Variants in CREB3L1 observed in about 807,000 individuals in gnomAD.
CREB3L1 encodes the protein cAMP responsive element binding protein 3 like 1.
Under a neutral mutation model 54.5 loss-of-function variants are expected in CREB3L1, and 33 were observed. That is an observed-to-expected ratio of 0.61 (90% CI 0.46 to 0.81). The LOEUF (loss-of-function observed/expected upper bound fraction) is 0.81, where lower values mean the gene tolerates loss of function less well. CREB3L1 is among the 30% of genes least tolerant of loss of function. CREB3L1 has a pLI of 0.00. For synonymous variants in CREB3L1, 284 were observed against 286.4 expected (o/e 0.99, Z 0.08); for missense variants, 656 against 673.3 (o/e 0.97, Z 0.29).
intron 2 of CREB3L1, among the ~76,000 whole-genome samples, chr11:46,305,690 A>ATGTGTGTGTGTATATATGTG (rs1555222406): frequency 5.6e-4 from 62 of 111,610 alleles, no homozygotes; most frequent in African/African-American, 2.0e-3. Context: ...GTGTGTATAT[A>ATGTGTGTGTGTATATATGTG]TGTGTGTGTG....
intron 1 of CREB3L1, among the ~76,000 whole-genome samples, chr11:46,294,754 C>T (rs1191439989): frequency 2.0e-5 from 3 of 152,086 alleles, no homozygotes; most frequent in Non-Finnish European, 4.4e-5. Context: ...ACAGCAGTGA[C>T]TCAGACTGAA....
At position 46,278,119 on chromosome 11, in the gene CREB3L1, C is replaced by G. The variant is rs1938904591; in HGVS notation, c.8C>G (p.Ala3Gly). 1 of 1,553,664 alleles carries G rather than the reference C, an allele frequency of 6.4e-7. No individual in the cohort carries two copies. The highest frequency in any genetic ancestry group is 8.7e-7 in the Non-Finnish European group (1 of 1,148,584). Residue 3 changes from alanine to glycine, a missense_variant, in exon 1 of 12, where the codon GCC becomes GGC. Around this residue, in one of 3 missense-constraint regions of CREB3L1, gnomAD observed 339 missense variants for 331.5 expected, o/e 1.02. Transcript: ENST00000621158. This position sits in a 1 kb window ranked among gnomAD's most constrained non-coding sequence, Gnocchi z 4.2. Reference sequence around the variant, plus strand: ...TCCCGGGAGCCGGCTGCGATGGACGCCGTCTTGGAACCCTTCCCGGCCGAC... The same window carrying G: ...TCCCGGGAGCCGGCTGCGATGGACGGCGTCTTGGAACCCTTCCCGGCCGAC... MD[A>G]VLEPFPADRL...
At chr11:46,311,390 G>T (rs895820340) in intron 5 of CREB3L1, among the ~76,000 whole-genome samples, 4 of 152,204 alleles carry the variant, frequency 2.6e-5, no homozygotes, top group African/African-American at 9.7e-5. Flanking sequence ...CTGGAGTGCA[G>T]TGGCTCAATC....
At chr11:46,318,421 G>C (rs181503380) in intron 10 of CREB3L1, among the ~76,000 whole-genome samples, 2 of 152,344 alleles carry the variant, frequency 1.3e-5, no homozygotes, top group Admixed American at 6.5e-5. Flanking sequence ...GCCACCTGCT[G>C]TGTGACCAGG....
At position 46,320,467 on chromosome 11, in the gene CREB3L1, A is replaced by G. The variant is rs533479997; in HGVS notation, c.1462A>G (p.Lys488Glu). 2 of 1,603,468 alleles carry G rather than the reference A, an allele frequency of 1.2e-6. No homozygotes were observed. Among genetic ancestry groups the G allele is most frequent in the Admixed American group, 3.4e-5 (2 of 58,196 alleles). The change falls in exon 11 of 12, where the codon AAA (lysine) becomes GAA (glutamate). Residue 488 changes from lysine (K) to glutamate (E), a missense_variant. Around this residue, in one of 3 missense-constraint regions of CREB3L1, gnomAD observed 240 missense variants for 219.8 expected, o/e 1.09. Coordinates refer to ENST00000621158, the MANE Select transcript of CREB3L1 (RefSeq NM_052854.4). Reference sequence around the variant, plus strand: ...CAAGTACCTGAGTGAGGCCTGGCCTAAAGACGGTGGAAACGGCACCAGCCC... The same window carrying G: ...CAAGTACCTGAGTGAGGCCTGGCCTGAAGACGGTGGAAACGGCACCAGCCC... ...TTKYLSEAWP[K>E]DGGNGTSPDF...
At chr11:46,306,463 C>A (rs1481362944) in intron 2 of CREB3L1, among the ~76,000 whole-genome samples, 1 of 151,556 alleles carries the variant, frequency 6.6e-6, no homozygotes. Flanking sequence ...ATGATGGCAC[C>A]ACTGCACTCC....
Position 46,307,888 on chromosome 11 carries a change from A to G in CREB3L1, c.404A>G (p.Glu135Gly), listed in dbSNP as rs1338430954. 1 of 1,580,516 alleles carries G rather than the reference A, an allele frequency of 6.3e-7. No individual in the cohort carries two copies. The change falls in exon 3 of 12, where the codon GAG (glutamate) becomes GGG (glycine). Residue 135 changes from glutamate (E) to glycine (G), a missense_variant. Physicochemically the swap from Glu to Gly is moderately conservative, Grantham distance 98 (BLOSUM62 -2). Around this residue, in one of 3 missense-constraint regions of CREB3L1, gnomAD observed 339 missense variants for 331.5 expected, o/e 1.02. Coordinates refer to ENST00000621158, the MANE Select transcript of CREB3L1 (RefSeq NM_052854.4). The stretch of plus-strand genomic sequence containing the variant: ...ATGGTGAAGCAGGAGCAGAGCCCGG[A>G]GCTGCCCGTGGACCCTCTGGCTGCC... ...SIMVKQEQSP[E>G]LPVDPLAAPS...
intron 1 of CREB3L1, among the ~76,000 whole-genome samples, chr11:46,281,585 TG>T (rs1356623997): frequency 6.6e-6 from 1 of 152,068 alleles, no homozygotes; most frequent in Non-Finnish European, 1.5e-5. Flanking sequence ...AGGCCAGGTG[TG>T]GGAGTGACGG....
At chr11:46,307,326 G>A (rs1448242443) in intron 2 of CREB3L1, among the ~76,000 whole-genome samples, 1 of 152,194 alleles carries the variant, frequency 6.6e-6, no homozygotes, top group African/African-American at 2.4e-5. Flanking sequence ...CTGGGCTCAA[G>A]CGATCTGCCT....
chr11:46,314,902 T>G (rs1199531086), intron 8 of CREB3L1, among the ~76,000 whole-genome samples: 1 of 151,264 alleles, frequency 6.6e-6, no homozygotes, highest in African/African-American at 2.4e-5. Context: ...GAGACAGGGT[T>G]TCACTATGTT....
Position 46,319,441 on chromosome 11 carries a change from T to C in CREB3L1, c.1259-823T>C, listed in dbSNP as rs377011233. 1.3e-3 allele frequency among the ~76,000 whole-genome samples: 199 copies of C among 152,272 alleles called. 10 individuals are homozygous for C. In the South Asian group the frequency reaches 0.039, roughly 30 times the overall value. On this transcript the variant is annotated intron_variant, in intron 10 of 11. Transcript: ENST00000621158. ...CTCATTCCCTAGAGTTTCTCTAAGA[T>C]TTTAACCACTCTACTTAGGTCTATG...
chr11:46,300,163 G>T lies in CREB3L1; in HGVS notation c.331G>T (p.Asp111Tyr). 1 of 1,608,368 alleles carries T rather than the reference G, an allele frequency of 6.2e-7. No homozygotes were observed. Among genetic ancestry groups the T allele is most frequent in the Non-Finnish European group, 8.5e-7 (1 of 1,176,912 alleles). The part of the protein sequence containing the change: ...VPIKMEDTTQ[D>Y]AEHGAWALGH... ...CATCAAGATGGAGGACACCACCCAA[G>T]GTAAGAGGTGGAAGAACCTGGGGAC... The change falls in exon 2 of 12, where the codon GAT (aspartate) becomes TAT (tyrosine). Residue 111 changes from aspartate to tyrosine, a missense_variant and splice_region_variant. This residue lies in a region of CREB3L1 where 339 missense variants were observed against 331.5 expected (regional missense o/e 1.02). Transcript: ENST00000621158.
intron 1 of CREB3L1, among the ~76,000 whole-genome samples, chr11:46,292,493 C>T (rs185606342): frequency 7.4e-4 from 113 of 152,296 alleles, no homozygotes; most frequent in South Asian, 2.5e-3. Flanking sequence ...ATAGGCAATA[C>T]GGCTGGATCA....
intron 1 of CREB3L1, among the ~76,000 whole-genome samples, chr11:46,281,292 G>A (rs553418449): frequency 1.3e-5 from 2 of 152,316 alleles, no homozygotes; most frequent in African/African-American, 2.4e-5. Flanking sequence ...ATGAGAGAGA[G>A]GGTCTGGGCT....
Position 46,307,875 on chromosome 11 carries a change from G to A in CREB3L1, c.391G>A (p.Glu131Lys). The A allele has an allele frequency of 1.3e-6, 2 of 1,582,310 alleles. No homozygotes were observed. Among genetic ancestry groups the A allele is most frequent in the Middle Eastern group, 1.7e-4 (1 of 6,030 alleles). ...ACTGTGCTCCATCATGGTGAAGCAG[G>A]AGCAGAGCCCGGAGCTGCCCGTGGA... ...HKLCSIMVKQ[E>K]QSPELPVDPL... is the part of the protein sequence containing the mutation. Residue 131 changes from glutamate (E) to lysine (K), a missense_variant, in exon 3 of 12, where the codon GAG (glutamate) becomes AAG (lysine). This residue lies in a region of CREB3L1 where 339 missense variants were observed against 331.5 expected (regional missense o/e 1.02). Transcript: ENST00000621158.
chr11:46,278,178 G>A lies in CREB3L1; in HGVS notation c.67G>A (p.Gly23Arg). The A allele has an allele frequency of 6.3e-7, 1 of 1,577,624 alleles. No homozygotes were observed. The highest frequency in any genetic ancestry group is 8.6e-7 in the Non-Finnish European group (1 of 1,161,850). The change falls in exon 1 of 12, where the codon GGG (glycine) becomes AGG (arginine). Residue 23 changes from glycine (G) to arginine (R), a missense_variant. Physicochemically the swap from Gly to Arg is moderately radical, Grantham distance 125. Transcript: ENST00000621158. This position sits in a 1 kb window ranked among gnomAD's most constrained non-coding sequence, Gnocchi z 4.2. ...LFPGSSFLDL[G>R]DLNESDFLNN... ...CCCCGGATCCAGCTTCCTGGACTTG[G>A]GGGATCTGAACGAGTCGGACTTCCT...
At position 46,311,111 on chromosome 11, in the gene CREB3L1, G is replaced by A. The variant is rs1566190795; in HGVS notation, c.675G>A (p.Leu225=). 1 of 1,607,530 alleles carries A rather than the reference G, an allele frequency of 6.2e-7. No individual in the cohort carries two copies. The highest frequency in any genetic ancestry group is 1.7e-5 in the Admixed American group (1 of 59,734). Residue 225 remains leucine, a synonymous_variant, in exon 5 of 12, where the codon CTG becomes CTA. Transcript: ENST00000621158. ...DSDGSQSPRS[L]PPSSPVRPMA... ...ACGGCTCCCAGAGTCCCCGCTCTCT[G>A]CCCCCCTCCAGCCCTGTCAGGCCCA...
At chr11:46,280,354 A>AT (rs904702193) in intron 1 of CREB3L1, among the ~76,000 whole-genome samples, 22 of 150,378 alleles carry the variant, frequency 1.5e-4, no homozygotes, top group South Asian at 4.2e-4. Flanking sequence ...CGCCCGGCTA[A>AT]TTTTTTTTTA....
At chr11:46,312,807 G>T (rs1939511609) in intron 7 of CREB3L1, 44 bp from the exon 8 acceptor site, 1 of 1,562,230 alleles carries the variant, frequency 6.4e-7, no homozygotes, top group Non-Finnish European at 8.7e-7. Flanking sequence ...GCTGTTGTGA[G>T]TCTGGGGGCT....
Sources: allele counts gnomAD v4.1 joint callset (sites outside exome capture counted in the v4.1 genomes callset), GRCh38; gene constraint gnomAD v4.1.1; regional missense constraint gnomAD v4.1.1; non-coding constraint Gnocchi (gnomAD v3.1); transcripts MANE v1.5; gene names NCBI Gene and HGNC (gene_info 2026-07-23, HGNC 2026-07-21).